Variants in SGCZ observed in about 807,000 individuals in gnomAD.
SGCZ encodes sarcoglycan zeta, also known as zeta-sarcoglycan.
SGCZ carries 40 observed loss-of-function variants against 41.3 expected under a neutral mutation model. The ratio of observed to expected loss-of-function variants is 0.97; its 90% CI spans 0.75 to 1.26. The LOEUF (loss-of-function observed/expected upper bound fraction) is 1.26. SGCZ is among the 50% of genes most tolerant of loss of function. SGCZ has a pLI of 0.00. For synonymous variants in SGCZ, 206 were observed against 137.5 expected (o/e 1.50, Z -3.49); for missense variants, 552 against 369.8 (o/e 1.49, Z -4.04).
intron 2 of SGCZ, among the ~76,000 whole-genome samples, chr8:14,406,619 A>G (rs1188520994): frequency 2.0e-5 from 3 of 152,124 alleles, no homozygotes; most frequent in Non-Finnish European, 4.4e-5. Flanking sequence ...ATTGAGGACT[A>G]GCAAAAACAA....
At chr8:14,173,398 T>C (rs1004726737) in intron 4 of SGCZ, among the ~76,000 whole-genome samples, 9 of 151,952 alleles carry the variant, frequency 5.9e-5, no homozygotes, top group Admixed American at 3.9e-4. Flanking sequence ...AGCAAAGAAA[T>C]TGATTTTAAA....
At chr8:14,693,890 C>A (rs1181198406) in intron 1 of SGCZ, among the ~76,000 whole-genome samples, 2 of 152,106 alleles carry the variant, frequency 1.3e-5, no homozygotes, top group Non-Finnish European at 2.9e-5. Flanking sequence ...CCATGTCTGG[C>A]CTTGAGGGCA....
At chr8:14,901,765 TTAACAGACTA>T (rs1798979914) in intron 1 of SGCZ, among the ~76,000 whole-genome samples, 1 of 152,156 alleles carries the variant, frequency 6.6e-6, no homozygotes, top group African/African-American at 2.4e-5. Flanking sequence ...CAAATCAGAC[TTAACAGACTA>T]TACCAAGAAA....
intron 5 of SGCZ, among the ~76,000 whole-genome samples, chr8:14,125,926 T>C (rs1802841485): frequency 6.6e-6 from 1 of 152,198 alleles, no homozygotes; most frequent in Non-Finnish European, 1.5e-5. Context: ...GCGTGCCATA[T>C]GCAGAAAACT....
intron 1 of SGCZ, among the ~76,000 whole-genome samples, chr8:14,816,401 C>A (rs1029992527): frequency 1.3e-5 from 2 of 152,206 alleles, no homozygotes; most frequent in Non-Finnish European, 2.9e-5. Flanking sequence ...CAGGATACCT[C>A]AGACTTCACT....
At chr8:14,173,544 G>C (rs956699567) in intron 4 of SGCZ, among the ~76,000 whole-genome samples, 3 of 152,048 alleles carry the variant, frequency 2.0e-5, no homozygotes, top group East Asian at 1.9e-4. Context: ...AACTTGAAAA[G>C]GTGTGTATAA....
intron 2 of SGCZ, among the ~76,000 whole-genome samples, chr8:14,511,409 A>G (rs890315647): frequency 2.0e-5 from 3 of 152,006 alleles, no homozygotes; most frequent in African/African-American, 4.8e-5. Flanking sequence ...CTGTATCTTC[A>G]TTACTGCCTA....
chr8:15,155,669 A>C (rs1585620601), intron 1 of SGCZ, among the ~76,000 whole-genome samples: 1 of 152,326 alleles, frequency 6.6e-6, no homozygotes, highest in East Asian at 1.9e-4. Flanking sequence ...CGCCTATTAA[A>C]TATATTTATG....
chr8:15,225,252 A>G (rs1048549734), intron 1 of SGCZ, among the ~76,000 whole-genome samples: 14 of 152,116 alleles, frequency 9.2e-5, no homozygotes, highest in Admixed American at 6.6e-4. Flanking sequence ...TCCTACCACA[A>G]TGCAATTTAG....
At chr8:15,198,273 T>C (rs73529520) in intron 1 of SGCZ, among the ~76,000 whole-genome samples, 2,378 of 152,038 alleles carry the variant, frequency 0.016, 61 homozygotes, top group African/African-American at 0.051. Flanking sequence ...TGTTCAAGTA[T>C]GAAAGAGGGA....
intron 1 of SGCZ, among the ~76,000 whole-genome samples, chr8:14,807,103 AC>A (rs1252782318): frequency 1.9e-4 from 29 of 152,090 alleles, no homozygotes; most frequent in African/African-American, 7.0e-4. Context: ...GCTATCTATG[AC>A]AAACCCACAG....
At position 14,600,151 on chromosome 8, in the gene SGCZ, C is replaced by T. The variant is rs28729891; in HGVS notation, c.40-45225G>A. ...AATTCCTTCTTCCATGGTTTCTTTACTTGGACTTCTGGGCACCACACTCTC... is the reference window on the plus strand; with the variant it reads ...AATTCCTTCTTCCATGGTTTCTTTATTTGGACTTCTGGGCACCACACTCTC... On this transcript the variant is annotated intron_variant, in intron 1 of 7. Coordinates refer to ENST00000382080, the MANE Select transcript of SGCZ (RefSeq NM_139167.4). Among the ~76,000 whole-genome samples, 3 of 152,006 alleles carry T rather than the reference C, an allele frequency of 2.0e-5. No individual in the cohort carries two copies. In the South Asian group the frequency reaches 6.2e-4, roughly 32 times the overall value.
Position 14,613,054 on chromosome 8 carries a change from G to A in SGCZ, c.40-58128C>T, listed in dbSNP as rs374762389. Among the ~76,000 whole-genome samples the A allele has an allele frequency of 3.8e-4, 58 of 152,282 alleles. No individual in the cohort carries two copies. The South Asian group carries it at 9.7e-3, about 26-fold the overall frequency. On this transcript the variant is annotated intron_variant, in intron 1 of 7. Coordinates refer to ENST00000382080, the MANE Select transcript of SGCZ (RefSeq NM_139167.4). ...GGGAAAGAACTTAATCATAGGGATA[G>A]GAGAGCACAAGAGGGAGGCTGCACC...
chr8:15,037,561 C>A (rs978453425), intron 1 of SGCZ, among the ~76,000 whole-genome samples: 8 of 152,044 alleles, frequency 5.3e-5, no homozygotes, highest in Admixed American at 1.3e-4. Flanking sequence ...GAGATCAGTA[C>A]ATAAAGAGAG....
intron 3 of SGCZ, among the ~76,000 whole-genome samples, chr8:14,297,788 A>G (rs1035532683): frequency 6.6e-6 from 1 of 152,118 alleles, no homozygotes; most frequent in Non-Finnish European, 1.5e-5. Context: ...AACCTTATCA[A>G]TAATGAAAAG....
At chr8:14,499,973 C>G (rs1189437257) in intron 2 of SGCZ, among the ~76,000 whole-genome samples, 1 of 150,818 alleles carries the variant, frequency 6.6e-6, no homozygotes, top group East Asian at 1.9e-4. Context: ...TACTGTCTTA[C>G]AAAAAAAAAC....
In SGCZ at chr8:15,136,281, C is replaced by G. The variant is rs1201993111; in HGVS notation, c.39+101304G>C. ...CTGTGCCTCAACTGGCCCCTTGTAA[C>G]AGGCAATGAGTTTATTGGATGGTTC... is the stretch of plus-strand genomic sequence containing the variant. On this transcript the variant is annotated intron_variant, in intron 1 of 7. Transcript: ENST00000382080. Among the ~76,000 whole-genome samples the G allele has an allele frequency of 2.0e-5, 3 of 152,096 alleles. No individual in the cohort carries two copies. The East Asian group carries it at 5.8e-4, about 29-fold the overall frequency.
At chr8:14,978,470 CAAAAAAAAAAAAAAAAAAA>C (rs59543494) in intron 1 of SGCZ, among the ~76,000 whole-genome samples, 23 of 62,826 alleles carry the variant, frequency 3.7e-4, no homozygotes, top group South Asian at 6.7e-4. Context: ...GACACCGTCA[CAAAAAAAAAAAAAAAAAAA>C]AAAAAAAAAA....
At chr8:14,250,467 C>A (rs566884739) in intron 3 of SGCZ, among the ~76,000 whole-genome samples, 1 of 152,046 alleles carries the variant, frequency 6.6e-6, no homozygotes, top group African/African-American at 2.4e-5. Context: ...ATGTTATAAT[C>A]AGCAGAATGT....
Sources: allele counts gnomAD v4.1 joint callset (sites outside exome capture counted in the v4.1 genomes callset), GRCh38; gene constraint gnomAD v4.1.1; transcripts MANE v1.5; gene names NCBI Gene and HGNC (gene_info 2026-07-23, HGNC 2026-07-21).